The following SGPP1 variants were observed in gnomAD, a reference collection of about 807,000 sequenced individuals.
The protein encoded by SGPP1 is hSPP1.
SGPP1 carries 21 observed loss-of-function variants against 33.0 expected under a neutral mutation model. The ratio of observed to expected loss-of-function variants is 0.64; its 90% CI spans 0.45 to 0.92. The LOEUF is 0.92. Among genes scored for constraint, SGPP1 ranks in the 40% least tolerant of loss-of-function variants. SGPP1 has a pLI of 0.00. For synonymous variants in SGPP1, 239 were observed against 241.2 expected, an observed-to-expected ratio of 0.99 and a Z score of 0.08; for missense variants, 543 against 589.4, an observed-to-expected ratio of 0.92 and a Z score of 0.81.
At chr14:63,703,030 A>T (rs545466882) in intron 1 of SGPP1, among the ~76,000 whole-genome samples, 3 of 152,296 alleles carry the variant, frequency 2.0e-5, no homozygotes, top group African/African-American at 7.2e-5. Context: ...GTCGTGGAAC[A>T]TATCCTCTGC....
intron 1 of SGPP1, among the ~76,000 whole-genome samples, chr14:63,719,004 ATATATATATATTTTTTTTTTTTTTT>A (rs1345113395): frequency 1.6e-4 from 4 of 24,624 alleles, no homozygotes; most frequent in African/African-American, 6.7e-4. Context: ...ATATATATAT[ATATATATATATTTTTTTTTTTTTTT>A]TTTTTTTTTT....
Position 63,696,149 on chromosome 14 carries a change from A to C in SGPP1, c.774+2420T>G, listed in dbSNP as rs147472744. Among the ~76,000 whole-genome samples the C allele has an allele frequency of 2.8e-3, 421 of 152,118 alleles. 3 individuals are homozygous for C. The highest frequency in any genetic ancestry group is 4.6e-3 in the Non-Finnish European group (316 of 67,984). ...CTAAAAATACAAAAATTATCAGGGCATGGTGGCATGCACCTGTAATCTCAG... is the reference window on the plus strand; with the variant it reads ...CTAAAAATACAAAAATTATCAGGGCCTGGTGGCATGCACCTGTAATCTCAG... On this transcript the variant is annotated intron_variant, in intron 2 of 2. Coordinates refer to ENST00000247225, the MANE Select transcript of SGPP1 (RefSeq NM_030791.4).
chr14:63,701,705 G>A (rs1033652366), intron 1 of SGPP1, among the ~76,000 whole-genome samples: 7 of 152,032 alleles, frequency 4.6e-5, no homozygotes, highest in Non-Finnish European at 5.9e-5. Flanking sequence ...CTTCTATTGT[G>A]AATCAAATGG....
At chr14:63,686,694 C>G (rs761011441) in intron 2 of SGPP1, 38 bp from the exon 3 acceptor site, 4 of 1,386,220 alleles carry the variant, frequency 2.9e-6, no homozygotes, top group South Asian at 1.4e-5. Context: ...TAGTATAATA[C>G]TGAATATTTT....
At chr14:63,696,141 A>T (rs142425192) in intron 2 of SGPP1, among the ~76,000 whole-genome samples, 2,952 of 152,226 alleles carry the variant, frequency 0.019, 87 homozygotes, top group African/African-American at 0.067. Flanking sequence ...TACAAAAATT[A>T]TCAGGGCATG....
intron 2 of SGPP1, among the ~76,000 whole-genome samples, chr14:63,690,579 T>C (rs1261577762): frequency 6.6e-6 from 1 of 152,230 alleles, no homozygotes; most frequent in Non-Finnish European, 1.5e-5. Flanking sequence ...ATTTTTTGGA[T>C]GGATGAATGA....
intron 2 of SGPP1, among the ~76,000 whole-genome samples, chr14:63,691,961 A>T (rs1885101695): frequency 6.6e-6 from 1 of 152,224 alleles, no homozygotes; most frequent in Non-Finnish European, 1.5e-5. Context: ...GAGAAAGAAA[A>T]AAAAAGAAGA....
intron 1 of SGPP1, among the ~76,000 whole-genome samples, chr14:63,707,437 G>T (rs1235849910): frequency 1.3e-5 from 2 of 152,030 alleles, no homozygotes; most frequent in Non-Finnish European, 2.9e-5. Flanking sequence ...CAGCATTCCA[G>T]ATCATGAGGA....
At chr14:63,700,235 C>A (rs1885268978) in intron 1 of SGPP1, among the ~76,000 whole-genome samples, 1 of 152,114 alleles carries the variant, frequency 6.6e-6, no homozygotes, top group Admixed American at 6.6e-5. Context: ...CTAGACTAGG[C>A]ATGCTGAAGA....
At chr14:63,693,415 T>A (rs916385480) in intron 2 of SGPP1, among the ~76,000 whole-genome samples, 1 of 152,272 alleles carries the variant, frequency 6.6e-6, no homozygotes, top group African/African-American at 2.4e-5. Context: ...ATCTTAAATT[T>A]CATGAGTGAT....
chr14:63,689,938 C>G (rs1885059080), intron 2 of SGPP1, among the ~76,000 whole-genome samples: 1 of 152,196 alleles, frequency 6.6e-6, no homozygotes, highest in Non-Finnish European at 1.5e-5. Context: ...CATTCACTTT[C>G]ACAATCATGT....
intron 2 of SGPP1, among the ~76,000 whole-genome samples, chr14:63,698,105 C>A (rs1167888736): frequency 1.3e-5 from 2 of 152,104 alleles, no homozygotes; most frequent in Non-Finnish European, 2.9e-5. Context: ...CACTGTGAGT[C>A]CTAACATACT....
intron 2 of SGPP1, among the ~76,000 whole-genome samples, chr14:63,689,697 G>A (rs1418295281): frequency 6.6e-6 from 1 of 151,900 alleles, no homozygotes; most frequent in Non-Finnish European, 1.5e-5. Flanking sequence ...TCTGGAAGCT[G>A]AGGCAGGAGA....
rs553048882 is a variant in SGPP1, at chr14:63,710,965, T to G, written c.685-12307A>C. Among the ~76,000 whole-genome samples the G allele has an allele frequency of 1.5e-3, 221 of 152,208 alleles. 1 individual carries two copies. Among genetic ancestry groups the G allele is most frequent in the African/African-American group, 5.1e-3 (210 of 41,550 alleles). On this transcript the variant is annotated intron_variant, in intron 1 of 2. Transcript: ENST00000247225. ...AATCATAACCCTACAGTATAAAAACTATTTCATAGGAATATTTTTAAAATT... is the reference window on the plus strand; with the variant it reads ...AATCATAACCCTACAGTATAAAAACGATTTCATAGGAATATTTTTAAAATT...
At chr14:63,703,481 T>C (rs976561919) in intron 1 of SGPP1, among the ~76,000 whole-genome samples, 6 of 151,840 alleles carry the variant, frequency 4.0e-5, no homozygotes, top group Admixed American at 3.9e-4. Context: ...GGTGAAACCC[T>C]GTCTCCACTA....
chr14:63,711,896 G>A (rs912321997), intron 1 of SGPP1, among the ~76,000 whole-genome samples: 2 of 151,952 alleles, frequency 1.3e-5, no homozygotes, highest in Admixed American at 6.6e-5. Context: ...TAGGCGTGGT[G>A]GTAGGCACCT....
At chr14:63,691,458 C>T (rs1885093812) in intron 2 of SGPP1, among the ~76,000 whole-genome samples, 1 of 152,192 alleles carries the variant, frequency 6.6e-6, no homozygotes, top group Non-Finnish European at 1.5e-5. Context: ...TTGAGATTCT[C>T]CTCAGGCATC....
Position 63,694,383 on chromosome 14 carries a change from C to G in SGPP1, c.774+4186G>C, listed in dbSNP as rs114954915. On this transcript the variant is annotated intron_variant, in intron 2 of 2. Coordinates refer to ENST00000247225, the MANE Select transcript of SGPP1 (RefSeq NM_030791.4). ...TTTAAAATAATAACTTCTCATGTATCAATTGACATAAAAAATCCATTATTT... is the reference window on the plus strand; with the variant it reads ...TTTAAAATAATAACTTCTCATGTATGAATTGACATAAAAAATCCATTATTT... Among the ~76,000 whole-genome samples, 838 of 152,034 alleles carry G rather than the reference C, an allele frequency of 5.5e-3. 10 individuals are homozygous for G. Among genetic ancestry groups the G allele is most frequent in the African/African-American group, 0.02 (814 of 41,484 alleles).
intron 1 of SGPP1, 96 bp downstream of exon 1, chr14:63,727,165 G>T (rs1022795297): frequency 2.7e-6 from 4 of 1,462,978 alleles, no homozygotes; most frequent in South Asian, 1.5e-5. Context: ...AGAGGCTTTG[G>T]AGGGGAACGG....
Sources: allele counts gnomAD v4.1 joint callset (sites outside exome capture counted in the v4.1 genomes callset), GRCh38; gene constraint gnomAD v4.1.1; transcripts MANE v1.5; gene names NCBI Gene and HGNC (gene_info 2026-07-23, HGNC 2026-07-21).